The following CENPP variants were observed in gnomAD, a reference collection of about 807,000 sequenced individuals.
CENPP encodes the protein centromere protein P.
In CENPP, 24 loss-of-function variants were observed where a neutral mutation model predicts 35.6. The ratio of observed to expected loss-of-function variants is 0.67; its 90% confidence interval spans 0.49 to 0.95. The LOEUF (loss-of-function observed/expected upper bound fraction) is 0.95, where lower values mean the gene tolerates loss of function less well. Among genes scored for constraint, CENPP ranks in the 40% least tolerant of loss-of-function variants. The pLI is 0.00. For missense variants in CENPP, 332 were observed against 345.3 expected, an observed-to-expected ratio of 0.96 and a Z score of 0.31; for synonymous variants, 120 against 125.5, an observed-to-expected ratio of 0.96 and a Z score of 0.29.
chr9:92,496,233 A>T, intron 5 of CENPP: 2 of 1,495,942 alleles, frequency 1.3e-6, no homozygotes, highest in Non-Finnish European at 1.8e-6. Context: ...TAACAGGAGG[A>T]TTATGTCTCT....
chr9:92,423,821 A>G (rs1234691358), intron 5 of CENPP, among the ~76,000 whole-genome samples: 1 of 152,164 alleles, frequency 6.6e-6, no homozygotes, highest in Non-Finnish European at 1.5e-5. Context: ...AATCACTAGC[A>G]TTGCTCAGCT....
chr9:92,579,232 T>C (rs1343316532), intron 5 of CENPP, among the ~76,000 whole-genome samples: 8 of 148,498 alleles, frequency 5.4e-5, no homozygotes, highest in African/African-American at 9.9e-5. Context: ...AGTCAGGTAG[T>C]GTGATGCCTC....
intron 5 of CENPP, among the ~76,000 whole-genome samples, chr9:92,447,581 T>A (rs1844585437): frequency 6.6e-6 from 1 of 152,240 alleles, no homozygotes; most frequent in African/African-American, 2.4e-5. Context: ...TTCGTACCAG[T>A]TGTGGTCCAT....
intron 5 of CENPP, among the ~76,000 whole-genome samples, chr9:92,402,737 C>T (rs1843169466): frequency 6.6e-6 from 1 of 152,114 alleles, no homozygotes; most frequent in South Asian, 2.1e-4. Flanking sequence ...GTTTTTGGTA[C>T]TGTATGTAGA....
rs760385615 is a variant in CENPP at position 92,611,281 on chromosome 9, G to C, written c.565-33G>C. ...CCATGGCCCCTTTCTCCCCACCAGT[G>C]GATCTGTCTACCCGTTTCTTCTCCC... On this transcript the variant is annotated intron_variant, in intron 5 of 7. Transcript: ENST00000375587. 10 of 1,570,394 alleles carry C rather than the reference G, an allele frequency of 6.4e-6. No homozygotes were observed. In the South Asian group the frequency reaches 1.0e-4, roughly 16 times the overall value.
At chr9:92,563,053 T>C (rs968860891) in intron 5 of CENPP, among the ~76,000 whole-genome samples, 12 of 152,178 alleles carry the variant, frequency 7.9e-5, no homozygotes, top group African/African-American at 2.9e-4. Context: ...GAATTTTAGT[T>C]TTAATTCTGA....
At chr9:92,573,638 G>C (rs1489224442) in intron 5 of CENPP, among the ~76,000 whole-genome samples, 1 of 152,210 alleles carries the variant, frequency 6.6e-6, no homozygotes, top group African/African-American at 2.4e-5. Flanking sequence ...GTCAGACAGG[G>C]ATGTTTAAGT....
chr9:92,399,453 T>C (rs755821125), intron 5 of CENPP, among the ~76,000 whole-genome samples: 1 of 152,336 alleles, frequency 6.6e-6, no homozygotes, highest in Non-Finnish European at 1.5e-5. Context: ...AGTTATATTA[T>C]CTGTGAGCTC....
chr9:92,497,376 G>C (rs561612147), intron 5 of CENPP, among the ~76,000 whole-genome samples: 2 of 152,300 alleles, frequency 1.3e-5, no homozygotes, highest in African/African-American at 4.8e-5. Flanking sequence ...TGTCATCCCA[G>C]CACTTTGGGA....
chr9:92,325,815 C>G, upstream of CENPP: 4 of 554,300 alleles, frequency 7.2e-6, no homozygotes, highest in Non-Finnish European at 3.2e-6. Context: ...GACTCAGGCT[C>G]TCGTGCGAGA....
At chr9:92,479,219 C>G (rs1564344769) in intron 5 of CENPP, among the ~76,000 whole-genome samples, 1 of 152,192 alleles carries the variant, frequency 6.6e-6, no homozygotes, top group Non-Finnish European at 1.5e-5. Context: ...GGGCTGCTGA[C>G]CAGTCCCCCA....
chr9:92,421,529 C>T (rs1564312403), intron 5 of CENPP, among the ~76,000 whole-genome samples: 1 of 152,194 alleles, frequency 6.6e-6, no homozygotes, highest in Non-Finnish European at 1.5e-5. Flanking sequence ...TCAGAGCAGG[C>T]TCTCCTTGCT....
At chr9:92,477,870 T>TG (rs991536876) in intron 5 of CENPP, among the ~76,000 whole-genome samples, 32 of 152,158 alleles carry the variant, frequency 2.1e-4, no homozygotes, top group African/African-American at 6.8e-4. Flanking sequence ...CAATGTAAAC[T>TG]GTATATACTG....
intron 5 of CENPP, among the ~76,000 whole-genome samples, chr9:92,583,750 A>C (rs1479551833): frequency 6.6e-6 from 1 of 152,200 alleles, no homozygotes; most frequent in African/African-American, 2.4e-5. Context: ...TGAAACAAAC[A>C]ATATTTTCAC....
intron 5 of CENPP, among the ~76,000 whole-genome samples, chr9:92,578,068 C>T (rs1249066057): frequency 6.6e-6 from 1 of 151,240 alleles, no homozygotes; most frequent in Non-Finnish European, 1.5e-5. Context: ...TTTGTTCTTG[C>T]AATAGTTTAC....
intron 5 of CENPP, among the ~76,000 whole-genome samples, chr9:92,569,571 T>G (rs1402350310): frequency 6.6e-6 from 1 of 152,348 alleles, no homozygotes; most frequent in Middle Eastern, 3.4e-3. Context: ...GGGCTCTTTT[T>G]TGGTTCCATA....
intron 5 of CENPP, chr9:92,515,184 A>T: frequency 6.3e-7 from 1 of 1,593,644 alleles, no homozygotes; most frequent in Non-Finnish European, 8.5e-7. Flanking sequence ...ATGCTATACC[A>T]CTGAGTAGAG....
chr9:92,505,191 G>A (rs1215942605), intron 5 of CENPP, among the ~76,000 whole-genome samples: 3 of 152,150 alleles, frequency 2.0e-5, no homozygotes, highest in South Asian at 2.1e-4. Context: ...TGTGATAAGC[G>A]TCACATTTCT....
intron 5 of CENPP, among the ~76,000 whole-genome samples, chr9:92,504,155 A>T (rs1316596546): frequency 6.6e-6 from 1 of 152,154 alleles, no homozygotes; most frequent in African/African-American, 2.4e-5. Flanking sequence ...TTTTTTAATT[A>T]TTCATTTCTG....
Sources: allele counts gnomAD v4.1 joint callset (sites outside exome capture counted in the v4.1 genomes callset), GRCh38; gene constraint gnomAD v4.1.1; transcripts MANE v1.5; gene names NCBI Gene and HGNC (gene_info 2026-07-23, HGNC 2026-07-21).